Variants in KDM4C observed in about 807,000 individuals in gnomAD.
KDM4C encodes the protein lysine demethylase 4C.
KDM4C carries 81 observed loss-of-function variants against 129.3 expected under a neutral mutation model. The ratio of observed to expected loss-of-function variants is 0.63; its 90% CI spans 0.52 to 0.75. The LOEUF (loss-of-function observed/expected upper bound fraction) is 0.75, where lower values mean the gene tolerates loss of function less well. Among genes scored for constraint, KDM4C ranks in the 30% least tolerant of loss-of-function variants. The pLI, the probability that KDM4C is intolerant of heterozygous loss-of-function variation, is 0.00. For synonymous variants in KDM4C, 573 were observed against 456.1 expected (o/e 1.26, Z -3.26); for missense variants, 1,457 against 1,304.0 (o/e 1.12, Z -1.81).
At chr9:6,837,269 G>A (rs1235542049) in intron 4 of KDM4C, among the ~76,000 whole-genome samples, 1 of 152,060 alleles carries the variant, frequency 6.6e-6, no homozygotes, top group African/African-American at 2.4e-5. Flanking sequence ...TGGTGCCCAG[G>A]CTTATCCCAA....
chr9:7,094,176 G>A (rs191731981), intron 17 of KDM4C, among the ~76,000 whole-genome samples: 1 of 152,148 alleles, frequency 6.6e-6, no homozygotes, highest in Non-Finnish European at 1.5e-5. Context: ...CCATTTACTT[G>A]TCCTCAAAGG....
At chr9:6,869,564 A>G (rs1842550619) in intron 5 of KDM4C, among the ~76,000 whole-genome samples, 1 of 152,256 alleles carries the variant, frequency 6.6e-6, no homozygotes, top group South Asian at 2.1e-4. Context: ...CAGAAGGGGA[A>G]GGTGAACTCC....
At chr9:6,872,166 G>A (rs1436796466) in intron 5 of KDM4C, among the ~76,000 whole-genome samples, 1 of 152,158 alleles carries the variant, frequency 6.6e-6, no homozygotes, top group African/African-American at 2.4e-5. Context: ...AATTGTGGAG[G>A]TCTTGAAAGC....
At chr9:6,829,448 TGA>T (rs1351423223) in intron 4 of KDM4C, among the ~76,000 whole-genome samples, 1 of 152,196 alleles carries the variant, frequency 6.6e-6, no homozygotes, top group Non-Finnish European at 1.5e-5. Flanking sequence ...AGGTGAAAAG[TGA>T]GAGTTTTAGT....
intron 1 of KDM4C, among the ~76,000 whole-genome samples, chr9:6,765,896 C>A (rs1031157227): frequency 1.3e-4 from 20 of 152,064 alleles, no homozygotes; most frequent in Admixed American, 3.9e-4. Context: ...TCAAGCTATT[C>A]CCCTGCCTCA....
At chr9:6,969,252 A>T (rs1451513008) in intron 8 of KDM4C, among the ~76,000 whole-genome samples, 1 of 152,112 alleles carries the variant, frequency 6.6e-6, no homozygotes, top group Non-Finnish European at 1.5e-5. Flanking sequence ...GTTAATTACT[A>T]TTTTGATATT....
chr9:7,098,726 T>C (rs1350689790), intron 17 of KDM4C, among the ~76,000 whole-genome samples: 1 of 152,166 alleles, frequency 6.6e-6, no homozygotes, highest in Non-Finnish European at 1.5e-5. Flanking sequence ...TACTCTCTCT[T>C]CTCCTTCTGA....
Position 7,088,945 on chromosome 9 carries a change from T to C in KDM4C, c.2425-14740T>C, listed in dbSNP as rs182518210. Among the ~76,000 whole-genome samples the C allele has an allele frequency of 1.3e-4, 20 of 152,348 alleles. No individual in the cohort carries two copies. In the East Asian group the frequency reaches 3.7e-3, roughly 28 times the overall value. On this transcript the variant is annotated intron_variant, in intron 17 of 21. Transcript: ENST00000381309. ...GGATCTGGTAAGAAAGCCGATATTT[T>C]GTCCAGCTTTCTTAAAGCACATTTG... is the stretch of plus-strand genomic sequence containing the variant.
chr9:7,043,483 A>G (rs528004041), intron 15 of KDM4C, among the ~76,000 whole-genome samples: 1 of 152,178 alleles, frequency 6.6e-6, no homozygotes, highest in South Asian at 2.1e-4. Flanking sequence ...GTACTATTTA[A>G]AAAAGGAAAG....
intron 17 of KDM4C, chr9:7,077,197 G>C: frequency 1.0e-6 from 1 of 985,366 alleles, no homozygotes; most frequent in Non-Finnish European, 1.2e-6. Flanking sequence ...GCTGTGGGAA[G>C]AGAGGTCATT....
At chr9:6,865,127 G>A (rs1429972131) in intron 5 of KDM4C, among the ~76,000 whole-genome samples, 12 of 150,460 alleles carry the variant, frequency 8.0e-5, no homozygotes, top group Admixed American at 7.3e-4. Flanking sequence ...TCCTGCTTCA[G>A]CCTCCCGAGT....
intron 1 of KDM4C, among the ~76,000 whole-genome samples, chr9:6,787,681 C>T (rs1405834043): frequency 6.6e-6 from 1 of 152,254 alleles, no homozygotes; most frequent in African/African-American, 2.4e-5. Flanking sequence ...TCTTAACTTG[C>T]CTGGGTTAGT....
At chr9:6,807,557 G>A (rs1276426539) in intron 3 of KDM4C, among the ~76,000 whole-genome samples, 24 of 149,252 alleles carry the variant, frequency 1.6e-4, no homozygotes, top group East Asian at 4.0e-4. Context: ...TGTGAGGAGC[G>A]CCTCTGCCCG....
chr9:6,865,552 C>G (rs1373445568), intron 5 of KDM4C, among the ~76,000 whole-genome samples: 2 of 151,860 alleles, frequency 1.3e-5, no homozygotes, highest in African/African-American at 2.4e-5. Context: ...AGTTATTTAT[C>G]TCAGTCTTCT....
intron 19 of KDM4C, among the ~76,000 whole-genome samples, chr9:7,131,844 T>C (rs12343146): frequency 0.35 from 52,560 of 152,076 alleles, 9,723 homozygotes; most frequent in Middle Eastern, 0.52. Context: ...ACTAACTACA[T>C]TTCACATTCC....
intron 6 of KDM4C, among the ~76,000 whole-genome samples, chr9:6,884,593 A>T (rs1007313260): frequency 1.3e-5 from 2 of 152,010 alleles, no homozygotes; most frequent in African/African-American, 2.4e-5. Context: ...GTAAAGAAAA[A>T]TTTTTTACTA....
intron 21 of KDM4C, among the ~76,000 whole-genome samples, chr9:7,172,749 T>A (rs1433625187): frequency 6.6e-6 from 1 of 152,230 alleles, no homozygotes; most frequent in Non-Finnish European, 1.5e-5. Flanking sequence ...TGTGGCTGTT[T>A]TCTTGTTTTT....
chr9:6,874,004 A>G (rs1843193448), intron 5 of KDM4C, among the ~76,000 whole-genome samples: 1 of 152,082 alleles, frequency 6.6e-6, no homozygotes, highest in Admixed American at 6.5e-5. Context: ...GTCAGAACAC[A>G]CACATTTATT....
intron 19 of KDM4C, among the ~76,000 whole-genome samples, chr9:7,148,516 C>G (rs1290886383): frequency 1.3e-5 from 2 of 152,240 alleles, no homozygotes; most frequent in African/African-American, 4.8e-5. Context: ...ATTCCAAGGT[C>G]TGGGCACCCA....
Sources: gnomAD v4.1 joint callset for allele counts (sites outside exome capture counted in the v4.1 genomes callset) on GRCh38, gnomAD v4.1.1 for gene constraint, MANE v1.5 for transcripts, NCBI Gene and HGNC (gene_info 2026-07-23, HGNC 2026-07-21) for gene names.